SPEN: variants seen among roughly 807,000 people sequenced by gnomAD.
SPEN encodes msx2-interacting protein.
SPEN carries 18 observed loss-of-function variants against 269.9 expected under a neutral mutation model. That is an observed-to-expected ratio of 0.07 (90% CI 0.05 to 0.10). The LOEUF is 0.10. Ranked by LOEUF, SPEN falls within the 10% of genes least tolerant of loss-of-function variation. The pLI, the probability that SPEN is intolerant of heterozygous loss-of-function variation, is 1.00. For synonymous variants in SPEN, 1,726 were observed against 1,765.7 expected, an observed-to-expected ratio of 0.98 and a Z score of 0.56; for missense variants, 3,822 against 4,631.2, an observed-to-expected ratio of 0.83 and a Z score of 5.07.
At position 15,933,105 on chromosome 1, in the gene SPEN, C is replaced by T; in HGVS notation, c.6865C>T (p.Pro2289Ser). The change falls in exon 11 of 15, where the codon CCT (proline) becomes TCT (serine). Residue 2289 changes from proline to serine, a missense_variant. Pro to Ser is a moderately conservative substitution (Grantham distance 74, BLOSUM62 -1). Coordinates refer to ENST00000375759, the MANE Select transcript of SPEN (RefSeq NM_015001.3). This position sits in a 1 kb window ranked among gnomAD's most constrained non-coding sequence, Gnocchi z 5.7. Reference protein sequence around the residue: ...TESSRPPVNAPDPSAGPTDTK... With the variant: ...TESSRPPVNASDPSAGPTDTK... ...ATCTTCTAGGCCTCCAGTCAATGCT[C>T]CTGACCCCTCAGCCGGCCCAACAGA... The T allele has an allele frequency of 6.2e-7, 1 of 1,614,168 alleles. No homozygotes were observed. Among genetic ancestry groups the T allele is most frequent in the South Asian group, 1.1e-5 (1 of 91,072 alleles).
In SPEN at chr1:15,928,683, G is replaced by A; in HGVS notation, c.2443G>A (p.Glu815Lys). ...ACGCTTAATACGGAAGGAAAAAGTG[G>A]AAAAGGACAAAACTGACAAGCAGAA... ...ERRLIRKEKV[E>K]KDKTDKQKRK... The change falls in exon 11 of 15, where the codon GAA becomes AAA. Residue 815 changes from glutamate to lysine, a missense_variant. By Grantham distance (56) the Glu-to-Lys change is moderately conservative. Around this residue, in one of 16 missense-constraint regions of SPEN, gnomAD observed 572 missense variants for 582.6 expected, o/e 0.98. Transcript: ENST00000375759. This position sits in a 1 kb window ranked among gnomAD's most constrained non-coding sequence, Gnocchi z 5.7. 1 of 1,613,996 alleles carries A rather than the reference G, an allele frequency of 6.2e-7. No homozygotes were observed. Among genetic ancestry groups the A allele is most frequent in the Non-Finnish European group, 8.5e-7 (1 of 1,180,026 alleles).
intron 3 of SPEN, among the ~76,000 whole-genome samples, chr1:15,888,045 T>C (rs1025706091): frequency 1.3e-5 from 2 of 151,402 alleles, no homozygotes; most frequent in South Asian, 2.1e-4. Context: ...ACCCCAAAAT[T>C]AAAAATAATA....
Position 15,938,847 on chromosome 1 carries a change from A to T in SPEN, c.10834A>T (p.Ile3612Phe). ...GCAGGCCAAGCAGGCGGCAGGGATC[A>T]TCAACGTTCCCAACCCTGGCTCCAA... ...YLQAKQAAGIINVPNPGSNQP... is the reference protein window; with the variant it reads ...YLQAKQAAGIFNVPNPGSNQP... The change falls in exon 14 of 15, where the codon ATC becomes TTC. Residue 3612 changes from isoleucine (I) to phenylalanine (F), a missense_variant. Around this residue, in one of 16 missense-constraint regions of SPEN, gnomAD observed 103 missense variants for 215.8 expected, o/e 0.48. Transcript: ENST00000375759. 1 of 1,614,066 alleles carries T rather than the reference A, an allele frequency of 6.2e-7. No individual in the cohort carries two copies. The highest frequency in any genetic ancestry group is 8.5e-7 in the Non-Finnish European group (1 of 1,180,010).
chr1:15,865,052 TA>T (rs1202557428), intron 1 of SPEN, among the ~76,000 whole-genome samples: 2 of 135,240 alleles, frequency 1.5e-5, no homozygotes, highest in Non-Finnish European at 3.3e-5. Context: ...TTTTTAATCT[TA>T]ATTTTAATTT....
At chr1:15,922,187 A>G (rs1570050644) in intron 9 of SPEN, 62 bp from the exon 10 acceptor site, 19 of 1,253,752 alleles carry the variant, frequency 1.5e-5, no homozygotes, top group Non-Finnish European at 2.2e-5. Context: ...TACAAATCTG[A>G]TAACATTTTT....
Position 15,939,329 on chromosome 1 carries a change from G to A in SPEN, c.10897G>A (p.Glu3633Lys). The A allele has an allele frequency of 1.2e-6, 2 of 1,604,114 alleles. No homozygotes were observed. The highest frequency in any genetic ancestry group is 1.7e-5 in the Admixed American group (1 of 58,824). ...AYVLQIFPPCEFSESHLSRLA... is the reference protein window; with the variant it reads ...AYVLQIFPPCKFSESHLSRLA... ...CGTGCTGCAGATCTTCCCGCCCTGT[G>A]AGTTCTCTGAGAGTCACCTGTCCCG... The change falls in exon 15 of 15, where the codon GAG becomes AAG. Residue 3633 changes from glutamate (E) to lysine (K), a missense_variant. By Grantham distance (56) the Glu-to-Lys change is moderately conservative. Around this residue, in one of 16 missense-constraint regions of SPEN, gnomAD observed 103 missense variants for 215.8 expected, o/e 0.48. Coordinates refer to ENST00000375759, the MANE Select transcript of SPEN (RefSeq NM_015001.3). This position sits in a 1 kb window ranked among gnomAD's most constrained non-coding sequence, Gnocchi z 4.1.
At chr1:15,863,117 G>T (rs1299245148) in intron 1 of SPEN, among the ~76,000 whole-genome samples, 31 of 152,204 alleles carry the variant, frequency 2.0e-4, no homozygotes, top group Non-Finnish European at 7.4e-5. Context: ...GGGCATGGTG[G>T]TATGTACCTA....
At chr1:15,869,073 G>A (rs988150597) in intron 1 of SPEN, among the ~76,000 whole-genome samples, 6 of 151,862 alleles carry the variant, frequency 4.0e-5, no homozygotes, top group African/African-American at 1.2e-4. Context: ...ATTTATTTTC[G>A]AGATGGAGTT....
chr1:15,935,903 A>G lies in SPEN; in HGVS notation c.9663A>G (p.Pro3221=), dbSNP rs756288826. 2.5e-6 allele frequency: 4 copies of G among 1,613,078 alleles called. No individual in the cohort carries two copies. Among genetic ancestry groups the G allele is most frequent in the Non-Finnish European group, 3.4e-6 (4 of 1,179,920 alleles). The change falls in exon 11 of 15, where the codon CCA becomes CCG. Residue 3221 remains proline (P), a synonymous_variant. Coordinates refer to ENST00000375759, the MANE Select transcript of SPEN (RefSeq NM_015001.3). This position sits in a 1 kb window ranked among gnomAD's most constrained non-coding sequence, Gnocchi z 7.7. The part of the protein sequence containing the change: ...RAADGVVKVP[P]ASKAPQQPGK... ...CGGATGGGGTGGTGAAGGTGCCACC[A>G]GCCAGCAAGGCCCCTCAGCAGCCAG... is the stretch of plus-strand genomic sequence containing the variant.
intron 14 of SPEN, 47 bp downstream of exon 14, chr1:15,938,923 G>T: frequency 6.3e-7 from 1 of 1,594,622 alleles, no homozygotes; most frequent in Non-Finnish European, 8.5e-7. Flanking sequence ...CACAGGTGGG[G>T]CTGATCAGGG....
chr1:15,923,673 CTT>C (rs112720025), intron 10 of SPEN, among the ~76,000 whole-genome samples: 8 of 140,116 alleles, frequency 5.7e-5, no homozygotes, highest in Admixed American at 1.4e-4. Flanking sequence ...ATACTTTGTG[CTT>C]TTTTTTTTTT....
intron 5 of SPEN, among the ~76,000 whole-genome samples, chr1:15,913,150 T>C (rs1328845658): frequency 6.6e-6 from 1 of 152,206 alleles, no homozygotes; most frequent in Admixed American, 6.5e-5. Context: ...TCATTAATGT[T>C]ATATTGAAAT....
At chr1:15,915,836 G>A (rs1305331876) in intron 5 of SPEN, among the ~76,000 whole-genome samples, 1 of 152,090 alleles carries the variant, frequency 6.6e-6, no homozygotes, top group African/African-American at 2.4e-5. Flanking sequence ...ACCCTTCCCA[G>A]CTAATTTAGC....
intron 1 of SPEN, among the ~76,000 whole-genome samples, chr1:15,861,908 A>G (rs2070452574): frequency 1.3e-5 from 2 of 152,128 alleles, no homozygotes; most frequent in South Asian, 4.1e-4. Flanking sequence ...TGGGCGTGGT[A>G]GCACATGCCT....
In SPEN at chr1:15,928,876, T is replaced by G; in HGVS notation, c.2636T>G (p.Val879Gly). ...CGCCTGGAACTCATGCCTTGCGTGG[T>G]TTTGACTCGAGTGAAAGAGAAAGAG... ...KNRLELMPCV[V>G]LTRVKEKEGK... The change falls in exon 11 of 15, where the codon GTT becomes GGT. Residue 879 changes from valine (V) to glycine (G), a missense_variant. By Grantham distance (109) the Val-to-Gly change is moderately radical (BLOSUM62 -3). This residue lies in a region of SPEN where 572 missense variants were observed against 582.6 expected (regional missense o/e 0.98). Coordinates refer to ENST00000375759, the MANE Select transcript of SPEN (RefSeq NM_015001.3). This position sits in a 1 kb window ranked among gnomAD's most constrained non-coding sequence, Gnocchi z 5.7. 1 of 1,614,068 alleles carries G rather than the reference T, an allele frequency of 6.2e-7. No individual in the cohort carries two copies.
chr1:15,903,109 T>G (rs899280845), intron 3 of SPEN, among the ~76,000 whole-genome samples: 1 of 152,252 alleles, frequency 6.6e-6, no homozygotes, highest in African/African-American at 2.4e-5. Flanking sequence ...CTCAGTGCCT[T>G]GGCATTTTCA....
At chr1:15,881,253 G>A (rs1238447689) in intron 3 of SPEN, among the ~76,000 whole-genome samples, 1 of 152,198 alleles carries the variant, frequency 6.6e-6, no homozygotes. Flanking sequence ...ACAGGTGTGA[G>A]CCATCACGCC....
rs1232286233 is a variant in SPEN at position 15,934,014 on chromosome 1, A to C, written c.7774A>C (p.Asn2592His). 6.2e-7 allele frequency: 1 copy of C among 1,614,054 alleles called. No homozygotes were observed. Among genetic ancestry groups the C allele is most frequent in the South Asian group, 1.1e-5 (1 of 91,070 alleles). The change falls in exon 11 of 15, where the codon AAC becomes CAC. Residue 2592 changes from asparagine (N) to histidine (H), a missense_variant. Transcript: ENST00000375759. The surrounding 1 kb of genome is among the most constrained non-coding windows in gnomAD (Gnocchi z 9.2). ...LEEKTAPPVT[N>H]NSEIQASEVL... ...AGAAAAAACAGCACCTCCAGTGACAAACAACTCTGAGATACAAGCCTCGGA... is the reference window on the plus strand; with the variant it reads ...AGAAAAAACAGCACCTCCAGTGACACACAACTCTGAGATACAAGCCTCGGA...
chr1:15,921,263 G>T (rs538212317), intron 9 of SPEN, among the ~76,000 whole-genome samples: 1 of 152,332 alleles, frequency 6.6e-6, no homozygotes, highest in African/African-American at 2.4e-5. Context: ...CCAGGAGGCG[G>T]AGGTTGCAGT....
Sources: gnomAD v4.1 joint callset for allele counts (sites outside exome capture counted in the v4.1 genomes callset) on GRCh38, gnomAD v4.1.1 for gene constraint, gnomAD v4.1.1 regional missense constraint, Gnocchi (gnomAD v3.1) non-coding constraint, MANE v1.5 for transcripts, NCBI Gene and HGNC (gene_info 2026-07-23, HGNC 2026-07-21) for gene names.